The following MAGI2 variants were observed in gnomAD, a reference collection of about 807,000 sequenced individuals.
MAGI2 encodes the protein membrane-associated guanylate kinase, WW and PDZ domain-containing protein 2.
In MAGI2, 35 loss-of-function variants were observed where a neutral mutation model predicts 133.3. That is an observed-to-expected ratio of 0.26 (90% CI 0.20 to 0.35). MAGI2 has a LOEUF of 0.35. Ranked by LOEUF, MAGI2 falls within the 10% of genes least tolerant of loss-of-function variation. The pLI, the probability that MAGI2 is intolerant of heterozygous loss-of-function variation, is 1.00. For missense variants in MAGI2, 1,636 were observed against 1,863.4 expected, an observed-to-expected ratio of 0.88 and a Z score of 2.25; for synonymous variants, 729 against 710.6, an observed-to-expected ratio of 1.03 and a Z score of -0.41.
chr7:78,477,293 A>C (rs1791871930), intron 6 of MAGI2, among the ~76,000 whole-genome samples: 1 of 151,996 alleles, frequency 6.6e-6, no homozygotes, highest in Non-Finnish European at 1.5e-5. Context: ...TTATTTTTAA[A>C]AATTGTGAAG....
intron 2 of MAGI2, among the ~76,000 whole-genome samples, chr7:78,820,202 C>T (rs933905603): frequency 1.3e-5 from 2 of 151,894 alleles, no homozygotes; most frequent in African/African-American, 2.4e-5. Flanking sequence ...ATGCATTTAT[C>T]TTTCAATTCT....
At chr7:78,287,781 C>CT (rs1562757805) in intron 9 of MAGI2, among the ~76,000 whole-genome samples, 1 of 152,010 alleles carries the variant, frequency 6.6e-6, no homozygotes, top group African/African-American at 2.4e-5. Context: ...AAGTGTTTTT[C>CT]TTTTTTCCTA....
At chr7:78,233,834 A>C (rs1175217846) in intron 10 of MAGI2, among the ~76,000 whole-genome samples, 1 of 152,108 alleles carries the variant, frequency 6.6e-6, no homozygotes, top group Non-Finnish European at 1.5e-5. Flanking sequence ...GGGACCTATA[A>C]ATTTTCTTTT....
intron 6 of MAGI2, among the ~76,000 whole-genome samples, chr7:78,482,268 C>T (rs187006658): frequency 3.3e-5 from 5 of 151,986 alleles, no homozygotes; most frequent in Admixed American, 1.3e-4. Flanking sequence ...GGCAAGGATG[C>T]AGAGGAATTG....
rs554010061 is a variant in MAGI2, at chr7:78,529,668, G to GTTTTTTTTTTTTTT, written c.539-8037_539-8024dup. On this transcript the variant is annotated intron_variant, in intron 3 of 21. Transcript: ENST00000354212. The stretch of plus-strand genomic sequence containing the variant: ...TTTCTTTTCCTTGCTAAAGGAGATG[G>GTTTTTTTTTTTTTT]TTTTTTTTTTTTTTTTTTTTTTTTT... 2.2e-3 allele frequency among the ~76,000 whole-genome samples: 124 copies of GTTTTTTTTTTTTTT among 57,418 alleles called. 27 individuals are homozygous for GTTTTTTTTTTTTTT. Among genetic ancestry groups the GTTTTTTTTTTTTTT allele is most frequent in the African/African-American group, 3.5e-3 (63 of 18,076 alleles). The allele number at this position is 57,418 out of a possible 152,430, so 37.7% of individuals were successfully genotyped here.
At chr7:78,559,170 CAAAAA>C (rs1457646536) in intron 3 of MAGI2, among the ~76,000 whole-genome samples, 2 of 32,596 alleles carry the variant, frequency 6.1e-5, no homozygotes. Flanking sequence ...AAAAAAAAGC[CAAAAA>C]GAAAAGAAAA....
intron 1 of MAGI2, among the ~76,000 whole-genome samples, chr7:79,100,268 A>G (rs1223236824): frequency 6.6e-6 from 1 of 152,162 alleles, no homozygotes; most frequent in Non-Finnish European, 1.5e-5. Flanking sequence ...AGCATAACCA[A>G]ACTGCCTACA....
chr7:78,789,325 G>C (rs1435749909), intron 2 of MAGI2, among the ~76,000 whole-genome samples: 2 of 152,212 alleles, frequency 1.3e-5, no homozygotes, highest in East Asian at 1.9e-4. Flanking sequence ...TTTCAAGTTT[G>C]GTTAATAGCA....
intron 1 of MAGI2, among the ~76,000 whole-genome samples, chr7:79,194,184 T>C (rs1241434984): frequency 2.0e-5 from 3 of 151,960 alleles, no homozygotes; most frequent in African/African-American, 7.3e-5. Context: ...TAGAGAATTC[T>C]GGTTTTACTG....
intron 3 of MAGI2, among the ~76,000 whole-genome samples, chr7:78,578,052 C>A (rs1456010036): frequency 3.4e-5 from 5 of 148,078 alleles, no homozygotes; most frequent in African/African-American, 9.9e-5. Flanking sequence ...AAAAAAGAGA[C>A]CTTCAATTGT....
intron 1 of MAGI2, among the ~76,000 whole-genome samples, chr7:79,287,073 C>T (rs980416075): frequency 2.0e-5 from 3 of 152,074 alleles, no homozygotes; most frequent in African/African-American, 7.2e-5. Context: ...GCAGGAGTTT[C>T]CTATCTGTGT....
intron 1 of MAGI2, among the ~76,000 whole-genome samples, chr7:79,256,329 A>G (rs1168076922): frequency 6.6e-6 from 1 of 152,182 alleles, no homozygotes; most frequent in Non-Finnish European, 1.5e-5. Context: ...TACATGCAGC[A>G]TGGCTGTTCC....
chr7:78,970,111 T>C (rs1378142248), intron 2 of MAGI2, among the ~76,000 whole-genome samples: 1 of 152,070 alleles, frequency 6.6e-6, no homozygotes, highest in Non-Finnish European at 1.5e-5. Flanking sequence ...CATTTGTTGA[T>C]TATCCTATGT....
intron 1 of MAGI2, among the ~76,000 whole-genome samples, chr7:79,039,838 T>A (rs1221324700): frequency 6.8e-6 from 1 of 146,060 alleles, no homozygotes; most frequent in African/African-American, 2.5e-5. Flanking sequence ...ATTGTATATA[T>A]TATATATACA....
intron 9 of MAGI2, among the ~76,000 whole-genome samples, chr7:78,262,879 A>G (rs1584615132): frequency 6.6e-6 from 1 of 152,130 alleles, no homozygotes; most frequent in African/African-American, 2.4e-5. Flanking sequence ...TTACATGGGT[A>G]TACTGCTCAA....
chr7:79,277,788 C>A (rs1251855385), intron 1 of MAGI2, among the ~76,000 whole-genome samples: 1 of 152,112 alleles, frequency 6.6e-6, no homozygotes, highest in Non-Finnish European at 1.5e-5. Context: ...TCTCTGTCTC[C>A]TTGAGATGTA....
At chr7:78,386,687 G>A (rs1299319159) in intron 6 of MAGI2, among the ~76,000 whole-genome samples, 1 of 152,144 alleles carries the variant, frequency 6.6e-6, no homozygotes, top group Non-Finnish European at 1.5e-5. Flanking sequence ...GTAACAACTG[G>A]ACTGTGTGTA....
chr7:78,941,179 A>G (rs889701364), intron 2 of MAGI2, among the ~76,000 whole-genome samples: 21 of 152,150 alleles, frequency 1.4e-4, no homozygotes, highest in African/African-American at 4.8e-4. Flanking sequence ...GTAGCTTCCC[A>G]GATCTCCAGG....
chr7:78,233,973 TA>T (rs1790242249), intron 10 of MAGI2, among the ~76,000 whole-genome samples: 1 of 152,190 alleles, frequency 6.6e-6, no homozygotes, highest in Non-Finnish European at 1.5e-5. Flanking sequence ...AATGTGGATC[TA>T]ATGCATGTAT....
Sources: gnomAD v4.1 joint callset for allele counts (sites outside exome capture counted in the v4.1 genomes callset) on GRCh38, gnomAD v4.1.1 for gene constraint, MANE v1.5 for transcripts, NCBI Gene and HGNC (gene_info 2026-07-23, HGNC 2026-07-21) for gene names.